RAB7A: variants seen among roughly 807,000 people sequenced by gnomAD.
RAB7A encodes the protein RAB7A, member RAS oncogene family, also known as ras-related protein Rab-7a.
RAB7A carries 2 observed loss-of-function variants against 24.5 expected under a neutral mutation model. The observed-to-expected ratio is 0.08, with a 90% CI of 0.03 to 0.26. The LOEUF is 0.26. RAB7A is among the 10% of genes least tolerant of loss of function. The pLI, the probability that RAB7A is intolerant of heterozygous loss-of-function variation, is 1.00. For synonymous variants in RAB7A, 100 were observed against 95.9 expected (o/e 1.04, Z -0.25); for missense variants, 118 against 255.7 (o/e 0.46, Z 3.67).
chr3:128,794,192 C>A (rs1933520200), intron 1 of RAB7A, among the ~76,000 whole-genome samples: 1 of 152,204 alleles, frequency 6.6e-6, no homozygotes, highest in African/African-American at 2.4e-5. Flanking sequence ...CTCTCACTGT[C>A]TTCTGGACTC....
At chr3:128,746,783 C>A (rs1468467579) in intron 1 of RAB7A, among the ~76,000 whole-genome samples, 1 of 150,556 alleles carries the variant, frequency 6.6e-6, no homozygotes, top group East Asian at 1.9e-4. Flanking sequence ...CCCGCCTTGG[C>A]CTCCCGAAGT....
intron 1 of RAB7A, chr3:128,764,941 T>A (rs1012434383): frequency 2.3e-5 from 36 of 1,595,534 alleles, no homozygotes; most frequent in Non-Finnish European, 3.4e-6. Flanking sequence ...GAGCTCCAGG[T>A]TGATCTGGCC....
At chr3:128,765,054 C>T (rs1435036024) in intron 1 of RAB7A, 76 of 1,217,302 alleles carry the variant, frequency 6.2e-5, no homozygotes, top group Middle Eastern at 2.6e-4. Flanking sequence ...GGTGGCTGCG[C>T]GGCGCTGGAG....
At chr3:128,792,836 T>C (rs1933486494) in intron 1 of RAB7A, among the ~76,000 whole-genome samples, 1 of 148,084 alleles carries the variant, frequency 6.8e-6, no homozygotes, top group Non-Finnish European at 1.5e-5. Flanking sequence ...TTTATTTATT[T>C]ATTTATTTAT....
intron 5 of RAB7A, among the ~76,000 whole-genome samples, chr3:128,808,388 A>T (rs1261816461): frequency 6.6e-6 from 1 of 152,052 alleles, no homozygotes; most frequent in Admixed American, 6.6e-5. Context: ...AATAAAAAAA[A>T]TTATATCTGA....
Position 128,734,205 on chromosome 3 carries a change from G to A in RAB7A, c.-9+7846G>A, listed in dbSNP as rs542342053. On this transcript the variant is annotated intron_variant, in intron 1 of 5. Coordinates refer to ENST00000265062, the MANE Select transcript of RAB7A (RefSeq NM_004637.6). ...AGCACTTTGGGAGACCGAGGTGGGCGGATCACTTGAGGCCAGGAGTTCAAG... is the reference window on the plus strand; with the variant it reads ...AGCACTTTGGGAGACCGAGGTGGGCAGATCACTTGAGGCCAGGAGTTCAAG... Among the ~76,000 whole-genome samples the A allele has an allele frequency of 2.6e-5, 4 of 152,134 alleles. 1 individual carries two copies. The South Asian group carries it at 8.3e-4, about 31-fold the overall frequency.
chr3:128,782,392 A>T (rs1235593014), intron 1 of RAB7A, among the ~76,000 whole-genome samples: 1 of 151,954 alleles, frequency 6.6e-6, no homozygotes, highest in Non-Finnish European at 1.5e-5. Context: ...ATGGGTGGAG[A>T]TGCTTGCTGT....
intron 1 of RAB7A, among the ~76,000 whole-genome samples, chr3:128,746,507 T>A (rs1395239118): frequency 2.0e-5 from 3 of 151,836 alleles, no homozygotes; most frequent in African/African-American, 4.8e-5. Context: ...TTTATTTATT[T>A]TTTTTATTTT....
At chr3:128,785,677 A>AT (rs1429682734) in intron 1 of RAB7A, among the ~76,000 whole-genome samples, 2 of 145,846 alleles carry the variant, frequency 1.4e-5, no homozygotes, top group Non-Finnish European at 3.0e-5. Flanking sequence ...TGAACCCTGG[A>AT]GGGGGAAGTT....
At chr3:128,806,305 CTTGCATA>C (rs1286417026) in intron 3 of RAB7A, 60 bp from the exon 4 acceptor site, 18 of 1,443,104 alleles carry the variant, frequency 1.2e-5, no homozygotes, top group Non-Finnish European at 1.5e-5. Flanking sequence ...TCTGGCACCC[CTTGCATA>C]CATGCTCCTG....
intron 3 of RAB7A, 175 bp downstream of exon 3, chr3:128,798,244 A>G: frequency 1.4e-6 from 1 of 724,002 alleles, no homozygotes; most frequent in Non-Finnish European, 2.2e-6. Context: ...ATACTTTTTT[A>G]GTATACTTCT....
At chr3:128,806,174 A>C (rs900096340) in intron 3 of RAB7A, among the ~76,000 whole-genome samples, 198 bp from the exon 4 acceptor site, 2 of 152,232 alleles carry the variant, frequency 1.3e-5, no homozygotes, top group Admixed American at 6.5e-5. Flanking sequence ...GCTTATAGAC[A>C]GACACATACT....
intron 1 of RAB7A, among the ~76,000 whole-genome samples, chr3:128,740,672 G>A (rs2070543246): frequency 6.6e-6 from 1 of 151,526 alleles, no homozygotes; most frequent in African/African-American, 2.4e-5. Flanking sequence ...AAGGTGGGAG[G>A]ATCGGTTGAG....
intron 1 of RAB7A, among the ~76,000 whole-genome samples, chr3:128,776,128 G>A (rs932838877): frequency 6.6e-6 from 1 of 152,084 alleles, no homozygotes; most frequent in African/African-American, 2.4e-5. Flanking sequence ...GATAAGTGAG[G>A]TTATGCTCTA....
intron 2 of RAB7A, among the ~76,000 whole-genome samples, chr3:128,795,769 G>A (rs1405551412): frequency 3.6e-4 from 1 of 2,802 alleles, no homozygotes; most frequent in African/African-American, 4.9e-4. Flanking sequence ...TTTTTTTTTT[G>A]GAGACAGAGT....
At chr3:128,804,591 G>T (rs1933763479) in intron 3 of RAB7A, among the ~76,000 whole-genome samples, 1 of 152,144 alleles carries the variant, frequency 6.6e-6, no homozygotes, top group African/African-American at 2.4e-5. Context: ...CTTTACTTTT[G>T]TAAATTCAAA....
intron 1 of RAB7A, among the ~76,000 whole-genome samples, chr3:128,781,285 A>G (rs73862543): frequency 6.6e-6 from 1 of 152,180 alleles, no homozygotes; most frequent in Non-Finnish European, 1.5e-5. Context: ...CCCATATTTC[A>G]TGTGTCAAAT....
intron 1 of RAB7A, chr3:128,764,673 T>A (rs1365309853): frequency 9.4e-6 from 8 of 853,256 alleles, no homozygotes; most frequent in Non-Finnish European, 1.4e-5. Flanking sequence ...GCAGTTCCAA[T>A]AGTGACTGAT....
chr3:128,774,814 C>T (rs944073401), intron 1 of RAB7A, among the ~76,000 whole-genome samples: 11 of 152,284 alleles, frequency 7.2e-5, no homozygotes, highest in African/African-American at 2.2e-4. Flanking sequence ...CCTCGTGATC[C>T]GCCCACCTCG....
Sources: allele counts gnomAD v4.1 joint callset (sites outside exome capture counted in the v4.1 genomes callset), GRCh38; gene constraint gnomAD v4.1.1; transcripts MANE v1.5; gene names NCBI Gene and HGNC (gene_info 2026-07-23, HGNC 2026-07-21).